ZNG1E: variants seen among roughly 807,000 people sequenced by gnomAD.
ZNG1E encodes Zn regulated GTPase metalloprotein activator 1E.
the ZNG1E span, among the ~76,000 whole-genome samples, chr9:65,684,565 C>T: frequency 6.6e-6 from 1 of 151,094 alleles, no homozygotes; most frequent in Non-Finnish European, 1.5e-5. Context: ...CACACACACA[C>T]ACACATTCAT....
At chr9:65,691,639 T>C in the ZNG1E span, among the ~76,000 whole-genome samples, 1 of 152,264 alleles carries the variant, frequency 6.6e-6, no homozygotes, top group Non-Finnish European at 1.5e-5. Context: ...ATTTATGTCC[T>C]TAATGTAATG....
At chr9:65,684,534 A>ACG in the ZNG1E span, among the ~76,000 whole-genome samples, 1 of 71,948 alleles carries the variant, frequency 1.4e-5, no homozygotes, top group African/African-American at 4.9e-5. Flanking sequence ...AAGACTGTAT[A>ACG]CACACACACA....
At chr9:65,707,111 A>G in the ZNG1E span, 8 of 93,704 alleles carry the variant, frequency 8.5e-5, no homozygotes, top group Admixed American at 6.1e-4. Flanking sequence ...CCTGGGTTCA[A>G]GCGATTCTCC....
the ZNG1E span, among the ~76,000 whole-genome samples, chr9:65,671,404 T>A: frequency 6.6e-6 from 1 of 151,898 alleles, no homozygotes; most frequent in Non-Finnish European, 1.5e-5. Context: ...CACTTCAACC[T>A]CACCTTTCGG....
chr9:65,671,681 G>A, the ZNG1E span, among the ~76,000 whole-genome samples: 1 of 152,096 alleles, frequency 6.6e-6, no homozygotes, highest in Non-Finnish European at 1.5e-5. Flanking sequence ...AAGGGATAGA[G>A]CAGAGGGGAC....
the ZNG1E span, among the ~76,000 whole-genome samples, chr9:65,702,329 T>G: frequency 6.6e-6 from 1 of 151,792 alleles, no homozygotes; most frequent in Non-Finnish European, 1.5e-5. Flanking sequence ...ATAGATGAGG[T>G]GTACAGTGTG....
the ZNG1E span, among the ~76,000 whole-genome samples, chr9:65,729,691 G>A: frequency 1.1e-4 from 6 of 52,886 alleles, 2 homozygotes; most frequent in African/African-American, 3.2e-4. Flanking sequence ...CCCTCAAAAA[G>A]TGGGCTAAGG....
At chr9:65,675,614 G>A in the ZNG1E span, among the ~76,000 whole-genome samples, 1 of 149,202 alleles carries the variant, frequency 6.7e-6, no homozygotes, top group African/African-American at 2.6e-5. Flanking sequence ...CAGATTTCCA[G>A]CAGGCTAGCC....
At chr9:65,678,076 A>G in the ZNG1E span, among the ~76,000 whole-genome samples, 1 of 150,694 alleles carries the variant, frequency 6.6e-6, no homozygotes, top group Non-Finnish European at 1.5e-5. Flanking sequence ...CTTTGAATGA[A>G]TGAACTATGT....
the ZNG1E span, among the ~76,000 whole-genome samples, chr9:65,720,948 A>C: frequency 2.0e-5 from 3 of 146,520 alleles, no homozygotes; most frequent in Admixed American, 1.4e-4. Flanking sequence ...GAGAAATACA[A>C]GTCCTTGGAG....
the ZNG1E span, among the ~76,000 whole-genome samples, chr9:65,678,233 G>C: frequency 6.9e-6 from 1 of 144,906 alleles, no homozygotes; most frequent in South Asian, 2.2e-4. Context: ...TCTGTCTCAG[G>C]CTTGGACTGG....
At chr9:65,658,025 G>A in the ZNG1E span, among the ~76,000 whole-genome samples, 1 of 152,182 alleles carries the variant, frequency 6.6e-6, no homozygotes, top group Non-Finnish European at 1.5e-5. Context: ...CTTGAACCTG[G>A]GAGGCGGAGG....
At chr9:65,687,732 T>C in the ZNG1E span, among the ~76,000 whole-genome samples, 1 of 150,932 alleles carries the variant, frequency 6.6e-6, no homozygotes, top group Admixed American at 6.6e-5. Context: ...TGTTTTATTA[T>C]TTTGGGACAT....
At chr9:65,667,007 G>A in the ZNG1E span, among the ~76,000 whole-genome samples, 1 of 152,070 alleles carries the variant, frequency 6.6e-6, no homozygotes, top group Non-Finnish European at 1.5e-5. Flanking sequence ...TATTAGTAGG[G>A]ACACGGTTTC....
the ZNG1E span, among the ~76,000 whole-genome samples, chr9:65,717,671 G>A: frequency 6.7e-6 from 1 of 149,332 alleles, no homozygotes; most frequent in Non-Finnish European, 1.5e-5. Flanking sequence ...AATGCTGCAT[G>A]AAATTTGCCT....
the ZNG1E span, chr9:65,675,710 C>T: frequency 1.4e-6 from 1 of 734,834 alleles, no homozygotes. Context: ...CCTAAGGGCT[C>T]TCCGCAGCGT....
the ZNG1E span, chr9:65,719,881 C>G: frequency 1.7e-6 from 2 of 1,206,754 alleles, no homozygotes; most frequent in Non-Finnish European, 2.3e-6. Flanking sequence ...AATCTGCCAG[C>G]TTTTCTCTAT....
the ZNG1E span, chr9:65,722,976 T>C: frequency 1.3e-5 from 4 of 306,382 alleles, no homozygotes; most frequent in African/African-American, 1.3e-4. Context: ...AAGAGTTCCT[T>C]TTTGCCCCTT....
At chr9:65,704,907 T>A in the ZNG1E span, 1 of 13,478 alleles carries the variant, frequency 7.4e-5, no homozygotes, top group Non-Finnish European at 1.6e-4. Context: ...CGAGACTCTG[T>A]CTCAAAAAAA....
Sources: gnomAD v4.1 joint callset for allele counts (sites outside exome capture counted in the v4.1 genomes callset) on GRCh38, gnomAD v4.1.1 for gene constraint, MANE v1.5 for transcripts, NCBI Gene and HGNC (gene_info 2026-07-23, HGNC 2026-07-21) for gene names.